CAPZB: variants seen among roughly 807,000 people sequenced by gnomAD.
CAPZB encodes capping actin protein of muscle Z-line subunit beta.
CAPZB carries 2 observed loss-of-function variants against 38.1 expected under a neutral mutation model. The ratio of observed to expected loss-of-function variants is 0.05; its 90% CI spans 0.02 to 0.17. The LOEUF (loss-of-function observed/expected upper bound fraction) is 0.17, where lower values mean the gene tolerates loss of function less well. Ranked by LOEUF, CAPZB falls within the 10% of genes least tolerant of loss-of-function variation. The pLI, the probability that CAPZB is intolerant of heterozygous loss-of-function variation, is 1.00. For missense variants in CAPZB, 161 were observed against 334.2 expected, an observed-to-expected ratio of 0.48 and a Z score of 4.04; for synonymous variants, 107 against 127.4, an observed-to-expected ratio of 0.84 and a Z score of 1.08.
At chr1:19,360,557 G>A (rs2094047434) in intron 4 of CAPZB, among the ~76,000 whole-genome samples, 1 of 152,218 alleles carries the variant, frequency 6.6e-6, no homozygotes, top group African/African-American at 2.4e-5. Context: ...GGGGAACCAG[G>A]AGAAATCCCG....
At chr1:19,448,892 G>A (rs1354797902) in intron 1 of CAPZB, 3 of 1,612,806 alleles carry the variant, frequency 1.9e-6, no homozygotes, top group African/African-American at 2.7e-5. Flanking sequence ...AGAGAACCCT[G>A]TATCCTGGAA....
intron 8 of CAPZB, among the ~76,000 whole-genome samples, chr1:19,340,400 G>A (rs1171433449): frequency 6.6e-6 from 1 of 152,224 alleles, no homozygotes; most frequent in Non-Finnish European, 1.5e-5. Context: ...CGTTCAGGGC[G>A]ACCGCATTCA....
chr1:19,412,148 C>CT (rs1298040648), intron 2 of CAPZB, among the ~76,000 whole-genome samples: 1 of 152,218 alleles, frequency 6.6e-6, no homozygotes, highest in African/African-American at 2.4e-5. Flanking sequence ...AAAACGGGAA[C>CT]TATAGCAGTG....
chr1:19,464,862 T>C (rs2094564092), intron 1 of CAPZB, among the ~76,000 whole-genome samples: 1 of 151,966 alleles, frequency 6.6e-6, no homozygotes, highest in African/African-American at 2.4e-5. Flanking sequence ...AGCAGATCAG[T>C]GGTTGTCTAG....
intron 6 of CAPZB, among the ~76,000 whole-genome samples, chr1:19,350,432 C>G (rs1460276700): frequency 1.3e-5 from 2 of 152,256 alleles, no homozygotes; most frequent in African/African-American, 4.8e-5. Context: ...CTGGCATCCT[C>G]CTGGTCACCA....
intron 2 of CAPZB, among the ~76,000 whole-genome samples, chr1:19,391,987 C>G (rs1387305241): frequency 6.6e-6 from 1 of 152,092 alleles, no homozygotes; most frequent in Non-Finnish European, 1.5e-5. Flanking sequence ...TCAAGACCAG[C>G]CTGGCCAATG....
At chr1:19,449,278 A>T (rs2094506690) in intron 1 of CAPZB, 1 of 1,059,182 alleles carries the variant, frequency 9.4e-7, no homozygotes, top group Non-Finnish European at 1.1e-6. Context: ...GATGACAGCC[A>T]GAAGAGGAAA....
chr1:19,340,878 G>A (rs1388981321), intron 8 of CAPZB, among the ~76,000 whole-genome samples: 11 of 151,982 alleles, frequency 7.2e-5, no homozygotes, highest in Admixed American at 7.2e-4. Flanking sequence ...TGGGTAGAGG[G>A]CTGCTCAAGA....
chr1:19,360,089 C>T (rs2094044802), intron 4 of CAPZB, among the ~76,000 whole-genome samples: 2 of 152,182 alleles, frequency 1.3e-5, no homozygotes, highest in African/African-American at 4.8e-5. Context: ...CCCTGCTGGA[C>T]CTGAGGGTTA....
At chr1:19,408,091 T>C (rs1345919014) in intron 2 of CAPZB, among the ~76,000 whole-genome samples, 2 of 152,176 alleles carry the variant, frequency 1.3e-5, no homozygotes, top group Non-Finnish European at 2.9e-5. Flanking sequence ...CTCAGTTAAA[T>C]AAGCCAAGTC....
chr1:19,390,844 G>C (rs113515663), intron 2 of CAPZB, among the ~76,000 whole-genome samples: 93 of 152,336 alleles, frequency 6.1e-4, no homozygotes, highest in African/African-American at 2.2e-3. Context: ...CCTGCCCTGC[G>C]TGGCAGGCAC....
intron 7 of CAPZB, 93 bp downstream of exon 7, chr1:19,345,094 G>C (rs976514155): frequency 1.9e-5 from 18 of 944,740 alleles, no homozygotes; most frequent in Non-Finnish European, 3.1e-5. Flanking sequence ...CTGAGAGAAA[G>C]CAGCAGAGAA....
chr1:19,390,281 G>A (rs1022423674), intron 2 of CAPZB, among the ~76,000 whole-genome samples: 9 of 152,238 alleles, frequency 5.9e-5, no homozygotes, highest in African/African-American at 1.4e-4. Flanking sequence ...AAACAAAGCC[G>A]AGAGTTCACT....
chr1:19,379,891 A>C (rs17394154), intron 3 of CAPZB, among the ~76,000 whole-genome samples: 28,881 of 152,096 alleles, frequency 0.19, 3,260 homozygotes, highest in South Asian at 0.3. Context: ...GGAATTCAGA[A>C]AAAGTCCTTC....
At chr1:19,461,096 C>G (rs974103457) in intron 1 of CAPZB, among the ~76,000 whole-genome samples, 1,094 of 112,610 alleles carry the variant, frequency 9.7e-3, no homozygotes, top group Non-Finnish European at 0.012. Context: ...TGGGCGGGGG[C>G]GGGGGGGGGA....
In CAPZB at chr1:19,339,492, C is replaced by T. The variant is rs776061058; in HGVS notation, c.*38G>A. On this transcript the variant is annotated 3_prime_UTR_variant, in exon 9 of 9. Transcript: ENST00000264202. The stretch of plus-strand genomic sequence containing the variant: ...CGAGTTTTCTAAGAAAGGAATCTAA[C>T]GAGTGCACGGCGTGTCTGGTTAGCA... The T allele has an allele frequency of 1.6e-5, 24 of 1,465,672 alleles. No homozygotes were observed. The East Asian group carries it at 2.5e-4, about 15-fold the overall frequency. 90.8% of individuals were successfully genotyped at this position (1,465,672 alleles called of 1,614,324 possible).
rs1320087979 is a variant in CAPZB at position 19,450,102 on chromosome 1, C to T, written c.4-30352G>A. 3.1e-5 allele frequency among the ~76,000 whole-genome samples: 4 copies of T among 130,562 alleles called. No homozygotes were observed. The East Asian group carries it at 7.0e-4, about 23-fold the overall frequency. The allele number at this position is 130,562 out of a possible 152,430, so 85.7% of individuals were successfully genotyped here. ...GGGGCTGCAGTGAGCAGGAATTGTA[C>T]CATTGCACTCCAACCTGGGCAACAG... is the stretch of plus-strand genomic sequence containing the variant. On this transcript the variant is annotated intron_variant, in intron 1 of 8. Transcript: ENST00000264202.
At chr1:19,466,226 G>T (rs1015290971) in intron 1 of CAPZB, among the ~76,000 whole-genome samples, 3 of 152,258 alleles carry the variant, frequency 2.0e-5, no homozygotes, top group Non-Finnish European at 4.4e-5. Context: ...CGCCAGGAGG[G>T]TCTTTCACTC....
intron 2 of CAPZB, among the ~76,000 whole-genome samples, chr1:19,390,543 C>T (rs1024561439): frequency 3.9e-5 from 6 of 152,168 alleles, no homozygotes; most frequent in Admixed American, 2.0e-4. Flanking sequence ...CAGTGCCTGC[C>T]GTCTTTCTGG....
Sources: gnomAD v4.1 joint callset for allele counts (sites outside exome capture counted in the v4.1 genomes callset) on GRCh38, gnomAD v4.1.1 for gene constraint, MANE v1.5 for transcripts, NCBI Gene and HGNC (gene_info 2026-07-23, HGNC 2026-07-21) for gene names.